ROBO1: variants seen among roughly 807,000 people sequenced by gnomAD.
ROBO1 encodes roundabout homolog 1.
A neutral mutation model predicts 195.9 loss-of-function variants in ROBO1; 149 were observed. That is an observed-to-expected ratio of 0.76 (90% confidence interval 0.67 to 0.87). The LOEUF is 0.87. Ranked by LOEUF, ROBO1 falls within the 40% of genes least tolerant of loss-of-function variation. The pLI is 0.00. For synonymous variants in ROBO1, 816 were observed against 733.2 expected, an observed-to-expected ratio of 1.11 and a Z score of -1.82; for missense variants, 1,933 against 2,068.3, an observed-to-expected ratio of 0.93 and a Z score of 1.27.
intron 1 of ROBO1, among the ~76,000 whole-genome samples, chr3:79,662,898 G>A (rs1452788603): frequency 6.6e-6 from 1 of 151,870 alleles, no homozygotes; most frequent in African/African-American, 2.4e-5. Flanking sequence ...AAATAACAAG[G>A]TCTTTTGACA....
chr3:79,755,659 T>G (rs1326797711), intron 1 of ROBO1, among the ~76,000 whole-genome samples: 4 of 141,824 alleles, frequency 2.8e-5, no homozygotes, highest in South Asian at 2.2e-4. Flanking sequence ...ATCATTATAA[T>G]AAGAAGAAAA....
At chr3:78,874,952 A>G (rs999329691) in intron 4 of ROBO1, among the ~76,000 whole-genome samples, 4 of 151,960 alleles carry the variant, frequency 2.6e-5, no homozygotes, top group African/African-American at 9.7e-5. Context: ...CACTTTGAGA[A>G]TGCACAAATA....
intron 2 of ROBO1, among the ~76,000 whole-genome samples, chr3:79,247,131 T>G (rs1269428450): frequency 6.8e-6 from 1 of 147,512 alleles, no homozygotes; most frequent in Non-Finnish European, 1.5e-5. Context: ...TGTTTACTGT[T>G]TTTTTTTTTT....
intron 1 of ROBO1, among the ~76,000 whole-genome samples, chr3:79,740,197 TA>T (rs970052202): frequency 7.3e-5 from 10 of 137,550 alleles, no homozygotes; most frequent in African/African-American, 1.9e-4. Flanking sequence ...CATCCTCTGA[TA>T]AAAAATATAT....
chr3:78,676,661 A>G (rs1011381556), intron 10 of ROBO1, among the ~76,000 whole-genome samples: 13 of 152,224 alleles, frequency 8.5e-5, no homozygotes, highest in African/African-American at 2.9e-4. Context: ...GCCTCCAAGA[A>G]ATATGGGACT....
intron 2 of ROBO1, among the ~76,000 whole-genome samples, chr3:79,232,042 G>A (rs2082329341): frequency 1.3e-5 from 2 of 151,752 alleles, no homozygotes; most frequent in South Asian, 4.1e-4. Context: ...TACACACAGG[G>A]GCCTATTGGA....
At chr3:79,087,840 T>C (rs540025732) in intron 3 of ROBO1, among the ~76,000 whole-genome samples, 3 of 152,218 alleles carry the variant, frequency 2.0e-5, no homozygotes, top group African/African-American at 4.8e-5. Context: ...CCAAACAATA[T>C]TGATAACTGT....
intron 3 of ROBO1, among the ~76,000 whole-genome samples, chr3:79,023,179 A>G (rs189784595): frequency 3.5e-3 from 529 of 152,252 alleles, no homozygotes; most frequent in Admixed American, 7.3e-3. Context: ...AATGCACACC[A>G]AGGCTGTGCT....
intron 3 of ROBO1, among the ~76,000 whole-genome samples, chr3:79,099,475 A>T (rs2079634922): frequency 6.6e-6 from 1 of 151,742 alleles, no homozygotes; most frequent in African/African-American, 2.4e-5. Context: ...TGACACTGAG[A>T]TAGACTTGAA....
Position 79,519,738 on chromosome 3 carries a change from T to G in ROBO1, c.88+70086A>C, listed in dbSNP as rs1941125888. ...GAGAGTGAAAGTGTTTTTAAATAAT[T>G]AAGCCAGAATAGTGGGTCTGATGTC... On this transcript the variant is annotated intron_variant, in intron 2 of 30. Transcript: ENST00000464233. 2.0e-5 allele frequency among the ~76,000 whole-genome samples: 3 copies of G among 152,024 alleles called. No individual in the cohort carries two copies. In the East Asian group the frequency reaches 5.8e-4, roughly 29 times the overall value.
At chr3:79,040,629 C>T (rs1239270267) in intron 3 of ROBO1, among the ~76,000 whole-genome samples, 1 of 152,086 alleles carries the variant, frequency 6.6e-6, no homozygotes, top group Non-Finnish European at 1.5e-5. Flanking sequence ...ACTCTCATGA[C>T]ATTAAATATA....
intron 4 of ROBO1, among the ~76,000 whole-genome samples, chr3:78,780,161 C>G (rs2083631987): frequency 6.6e-6 from 1 of 151,976 alleles, no homozygotes; most frequent in African/African-American, 2.4e-5. Flanking sequence ...ATGTAGATGA[C>G]AGGTTGATGG....
chr3:79,379,427 A>G (rs970910688), intron 2 of ROBO1, among the ~76,000 whole-genome samples: 30 of 152,148 alleles, frequency 2.0e-4, no homozygotes, highest in African/African-American at 6.8e-4. Context: ...TGCTCTTATA[A>G]TGTCCATGAG....
intron 4 of ROBO1, among the ~76,000 whole-genome samples, chr3:78,871,658 G>T (rs909163937): frequency 4.7e-5 from 7 of 148,182 alleles, no homozygotes; most frequent in Non-Finnish European, 1.0e-4. Context: ...TGAAAAGAAT[G>T]CAAGTTAAAT....
At chr3:79,692,135 T>C (rs891382253) in intron 1 of ROBO1, among the ~76,000 whole-genome samples, 2 of 151,926 alleles carry the variant, frequency 1.3e-5, no homozygotes, top group African/African-American at 2.4e-5. Flanking sequence ...GAAATATTGT[T>C]GGCATAAAGA....
At chr3:78,881,953 G>A (rs1194502222) in intron 4 of ROBO1, among the ~76,000 whole-genome samples, 16 of 152,094 alleles carry the variant, frequency 1.1e-4, no homozygotes, top group Non-Finnish European at 2.1e-4. Context: ...ACTGTTAGAT[G>A]AATAGTAATA....
intron 4 of ROBO1, among the ~76,000 whole-genome samples, chr3:78,783,325 T>C (rs1447046252): frequency 6.6e-6 from 1 of 152,206 alleles, no homozygotes; most frequent in Non-Finnish European, 1.5e-5. Context: ...TCAGTGTTGC[T>C]TGTTACAAAG....
At chr3:78,902,581 G>C (rs1215504989) in intron 4 of ROBO1, among the ~76,000 whole-genome samples, 4 of 152,118 alleles carry the variant, frequency 2.6e-5, no homozygotes, top group African/African-American at 4.8e-5. Flanking sequence ...GGGTGCAGTG[G>C]CTCATGCCTG....
At chr3:79,238,887 T>G (rs2082461212) in intron 2 of ROBO1, among the ~76,000 whole-genome samples, 1 of 152,238 alleles carries the variant, frequency 6.6e-6, no homozygotes. Context: ...ATTGTCTTTT[T>G]GCCTCTATTT....
Sources: allele counts gnomAD v4.1 joint callset (sites outside exome capture counted in the v4.1 genomes callset), GRCh38; gene constraint gnomAD v4.1.1; transcripts MANE v1.5; gene names NCBI Gene and HGNC (gene_info 2026-07-23, HGNC 2026-07-21).